ADGRV1: variants seen among roughly 807,000 people sequenced by gnomAD.
ADGRV1 encodes G-protein coupled receptor 98.
In ADGRV1, 359 loss-of-function variants were observed where a neutral mutation model predicts 596.2. The ratio of observed to expected loss-of-function variants is 0.60; its 90% CI spans 0.55 to 0.66. ADGRV1 has a LOEUF of 0.66. Ranked by LOEUF, ADGRV1 falls within the 30% of genes least tolerant of loss-of-function variation. The pLI is 0.00. For synonymous variants in ADGRV1, 2,681 were observed against 2,679.2 expected (o/e 1.00, Z -0.02); for missense variants, 7,274 against 7,575.6 (o/e 0.96, Z 1.48).
chr5:90,944,288 C>T (rs1776396311), intron 83 of ADGRV1, among the ~76,000 whole-genome samples: 1 of 152,106 alleles, frequency 6.6e-6, no homozygotes, highest in Non-Finnish European at 1.5e-5. Flanking sequence ...CTGTTTTTTA[C>T]AGATGCCCAG....
chr5:90,913,674 A>C (rs1404622504), intron 83 of ADGRV1, among the ~76,000 whole-genome samples: 1 of 152,152 alleles, frequency 6.6e-6, no homozygotes, highest in Non-Finnish European at 1.5e-5. Context: ...GTTTATCATA[A>C]CTCATGCTTC....
At chr5:90,902,380 A>C (rs931183568) in intron 83 of ADGRV1, among the ~76,000 whole-genome samples, 1 of 152,130 alleles carries the variant, frequency 6.6e-6, no homozygotes, top group Non-Finnish European at 1.5e-5. Context: ...GGAACCAAAG[A>C]CCAGACTATT....
At chr5:90,605,106 C>T (rs73179761) in intron 1 of ADGRV1, among the ~76,000 whole-genome samples, 6,038 of 152,130 alleles carry the variant, frequency 0.04, 346 homozygotes, top group African/African-American at 0.13. Flanking sequence ...CTTAAATATT[C>T]TAGAAAGAAG....
At chr5:90,989,793 T>C (rs1780816734) in intron 85 of ADGRV1, among the ~76,000 whole-genome samples, 1 of 152,170 alleles carries the variant, frequency 6.6e-6, no homozygotes, top group Non-Finnish European at 1.5e-5. Flanking sequence ...ACTGAATTGC[T>C]TGATGTTTCC....
Position 90,679,375 on chromosome 5 carries a change from G to C in ADGRV1, c.5444-174G>C, listed in dbSNP as rs537268590. Among the ~76,000 whole-genome samples the C allele has an allele frequency of 3.9e-5, 6 of 152,260 alleles. No homozygotes were observed. The East Asian group carries it at 1.2e-3, about 29-fold the overall frequency. ...TGAAATTTTGATAATTTGGTAGCTT[G>C]ACTGGTGCTATAATTCTACTATTTA... On this transcript the variant is annotated intron_variant, in intron 25 of 89. Transcript: ENST00000405460.
At chr5:91,149,831 CAAAA>C (rs59523008) in intron 87 of ADGRV1, among the ~76,000 whole-genome samples, 195 bp from the exon 88 acceptor site, 3 of 85,920 alleles carry the variant, frequency 3.5e-5, no homozygotes, top group Admixed American at 1.4e-4. Flanking sequence ...AACTCCAGCT[CAAAA>C]AAAAAAAAAA....
intron 86 of ADGRV1, among the ~76,000 whole-genome samples, chr5:91,088,808 C>T (rs557857400): frequency 6.6e-6 from 1 of 152,130 alleles, no homozygotes; most frequent in African/African-American, 2.4e-5. Flanking sequence ...TAAAATATCA[C>T]AAAAATTAAG....
intron 82 of ADGRV1, among the ~76,000 whole-genome samples, chr5:90,857,884 T>C (rs1460225180): frequency 1.3e-5 from 2 of 152,222 alleles, no homozygotes; most frequent in African/African-American, 4.8e-5. Context: ...AGAACTTGGC[T>C]AGTACTTTTC....
chr5:90,966,530 CAAAAAAAAAA>C (rs67304974), intron 84 of ADGRV1, among the ~76,000 whole-genome samples: 1,251 of 100,720 alleles, frequency 0.012, 10 homozygotes, highest in Non-Finnish European at 0.017. Context: ...GAAACTCTGC[CAAAAAAAAAA>C]AAAAAAAAAA....
intron 59 of ADGRV1, among the ~76,000 whole-genome samples, chr5:90,768,465 T>G (rs527770330): frequency 6.6e-6 from 1 of 152,290 alleles, no homozygotes; most frequent in African/African-American, 2.4e-5. Flanking sequence ...TCATAGCAAC[T>G]TAGTATTCAC....
chr5:90,660,007 G>A (rs1368285871), intron 21 of ADGRV1, among the ~76,000 whole-genome samples: 3 of 151,958 alleles, frequency 2.0e-5, no homozygotes, highest in Middle Eastern at 3.4e-3. Flanking sequence ...ACTCCAGCGT[G>A]GGTGACACAA....
rs1760018317 is a variant in ADGRV1 at position 90,791,076 on chromosome 5, C to T, written c.14247C>T (p.Ile4749=). Residue 4749 remains isoleucine, a synonymous_variant, in exon 70 of 90, where the codon ATC becomes ATT. Transcript: ENST00000405460. The part of the protein sequence containing the change: ...GGAELDLEKS[I]TWFSVYANDD... ...CCGAACTGGATCTGGAGAAGAGTAT[C>T]ACATGGTTCTCTGTTTATGCAAATG... 6.2e-7 allele frequency: 1 copy of T among 1,613,820 alleles called. No homozygotes were observed. The highest frequency in any genetic ancestry group is 1.3e-5 in the African/African-American group (1 of 74,914).
chr5:90,603,030 T>C (rs575513716), intron 1 of ADGRV1, among the ~76,000 whole-genome samples: 36 of 152,304 alleles, frequency 2.4e-4, no homozygotes, highest in African/African-American at 8.4e-4. Context: ...ACAGATGAAA[T>C]ACAAACTTTT....
chr5:90,645,799 G>A (rs1767665973), intron 15 of ADGRV1, among the ~76,000 whole-genome samples, 169 bp from the exon 16 acceptor site: 1 of 151,966 alleles, frequency 6.6e-6, no homozygotes, highest in Non-Finnish European at 1.5e-5. Flanking sequence ...AATTTTTGGG[G>A]GGGTCTGAGT....
intron 84 of ADGRV1, among the ~76,000 whole-genome samples, chr5:90,978,324 A>G (rs1359295242): frequency 6.6e-6 from 1 of 151,758 alleles, no homozygotes. Flanking sequence ...ATAAATAAAT[A>G]TTTGTTTCAT....
In ADGRV1 at chr5:90,729,662, A is replaced by G. The variant is rs1239834042; in HGVS notation, c.10447A>G (p.Ile3483Val). The change falls in exon 50 of 90, where the codon ATT becomes GTT. Residue 3483 changes from isoleucine to valine, a missense_variant. Ile to Val is a conservative substitution (Grantham distance 29). Around this residue, in one of 5 missense-constraint regions of ADGRV1, gnomAD observed 3,643 missense variants for 3,809.2 expected, o/e 0.96. Transcript: ENST00000405460. ...TGCAGGAGATCAGAATTCAATTGAT[A>G]TTTTCATCTGGGAGATGGGACAGTC... ...VFLGDQNSID[I>V]FIWEMGQSSF... 6.2e-7 allele frequency: 1 copy of G among 1,606,546 alleles called. No homozygotes were observed. Among genetic ancestry groups the G allele is most frequent in the African/African-American group, 1.3e-5 (1 of 74,714 alleles).
At chr5:91,038,647 T>G (rs1425039989) in intron 85 of ADGRV1, among the ~76,000 whole-genome samples, 1 of 152,218 alleles carries the variant, frequency 6.6e-6, no homozygotes, top group African/African-American at 2.4e-5. Context: ...AAGAATTAAC[T>G]AGCCTCTTGG....
In ADGRV1 at chr5:90,689,773, A is replaced by G. The variant is rs538851320; in HGVS notation, c.6491-88A>G. The stretch of plus-strand genomic sequence containing the variant: ...AAAGTATTTCCAAGTAGATCCATAA[A>G]GTTTGTTACCTGATAGTTTTTCCCT... On this transcript the variant is annotated intron_variant, in intron 29 of 89. Coordinates refer to ENST00000405460, the MANE Select transcript of ADGRV1 (RefSeq NM_032119.4). 52 of 832,530 alleles carry G rather than the reference A, an allele frequency of 6.2e-5. No homozygotes were observed. The South Asian group carries it at 8.7e-4, about 14-fold the overall frequency. 51.6% of individuals were successfully genotyped at this position (832,530 alleles called of 1,614,324 possible).
intron 85 of ADGRV1, among the ~76,000 whole-genome samples, chr5:91,049,694 A>C (rs1169596661): frequency 6.6e-6 from 1 of 152,252 alleles, no homozygotes; most frequent in Non-Finnish European, 1.5e-5. Flanking sequence ...TTTCATAAGA[A>C]AAATGGCAAT....
Sources: allele counts gnomAD v4.1 joint callset (sites outside exome capture counted in the v4.1 genomes callset), GRCh38; gene constraint gnomAD v4.1.1; regional missense constraint gnomAD v4.1.1; transcripts MANE v1.5; gene names NCBI Gene and HGNC (gene_info 2026-07-23, HGNC 2026-07-21).